SSH2: variants seen among roughly 807,000 people sequenced by gnomAD.
The protein encoded by SSH2 is protein phosphatase Slingshot homolog 2.
In SSH2, 37 loss-of-function variants were observed where a neutral mutation model predicts 135.2. That is an observed-to-expected ratio of 0.27 (90% confidence interval 0.21 to 0.36). The LOEUF is 0.36. SSH2 is among the 10% of genes least tolerant of loss of function. The probability of loss-of-function intolerance (pLI) is 1.00; values close to 1 mark genes in which losing one functional copy is unlikely to be tolerated. For missense variants in SSH2, 1,408 were observed against 1,765.3 expected, an observed-to-expected ratio of 0.80 and a Z score of 3.63; for synonymous variants, 628 against 646.2, an observed-to-expected ratio of 0.97 and a Z score of 0.43.
intron 1 of SSH2, chr17:29,925,264 G>A (rs1445387362): frequency 5.6e-6 from 2 of 358,042 alleles, no homozygotes; most frequent in Non-Finnish European, 9.9e-6. Context: ...ATCAATATAG[G>A]TATCAATTCA....
intron 1 of SSH2, among the ~76,000 whole-genome samples, chr17:29,878,888 G>A (rs949891303): frequency 2.6e-5 from 4 of 152,138 alleles, no homozygotes; most frequent in African/African-American, 9.7e-5. Context: ...CAAGCTCAAA[G>A]CAGCAAATGA....
At chr17:29,667,428 G>A (rs2037325289) in intron 9 of SSH2, among the ~76,000 whole-genome samples, 1 of 152,180 alleles carries the variant, frequency 6.6e-6, no homozygotes, top group African/African-American at 2.4e-5. Context: ...CAGAACAGGA[G>A]GTGAGCAGCG....
intron 12 of SSH2, among the ~76,000 whole-genome samples, chr17:29,651,466 G>T (rs1437680285): frequency 6.6e-6 from 1 of 152,234 alleles, no homozygotes; most frequent in Non-Finnish European, 1.5e-5. Context: ...GATGCTTGCA[G>T]AAGAGAGTTT....
intron 3 of SSH2, chr17:29,761,355 C>T (rs2151255484): frequency 9.3e-7 from 1 of 1,070,810 alleles, no homozygotes. Context: ...GCGCGTGCAC[C>T]CGGCGGCGGA....
intron 2 of SSH2, among the ~76,000 whole-genome samples, chr17:29,836,144 T>C (rs1028791533): frequency 1.3e-5 from 2 of 152,096 alleles, no homozygotes; most frequent in African/African-American, 4.8e-5. Flanking sequence ...TCCAAGTACA[T>C]ATCTGACAGG....
chr17:29,754,493 T>C (rs1336067955), intron 3 of SSH2, among the ~76,000 whole-genome samples: 1 of 152,074 alleles, frequency 6.6e-6, no homozygotes, highest in East Asian at 1.9e-4. Flanking sequence ...CTCATGTGCT[T>C]CTAGGAAGTC....
intron 5 of SSH2, among the ~76,000 whole-genome samples, chr17:29,687,873 C>A (rs2038289638): frequency 6.6e-6 from 1 of 152,118 alleles, no homozygotes; most frequent in African/African-American, 2.4e-5. Flanking sequence ...CCAGTGGCAA[C>A]TGATTGGCTA....
intron 6 of SSH2, among the ~76,000 whole-genome samples, chr17:29,678,713 C>CTTTTTT (rs55889704): frequency 3.1e-4 from 35 of 112,044 alleles, no homozygotes; most frequent in East Asian, 5.2e-4. Context: ...AATACTATTT[C>CTTTTTT]TTTTTTTTTT....
At chr17:29,899,720 A>G (rs1262269518) in intron 1 of SSH2, among the ~76,000 whole-genome samples, 1 of 152,146 alleles carries the variant, frequency 6.6e-6, no homozygotes, top group Non-Finnish European at 1.5e-5. Context: ...TAATTTATAG[A>G]TTTTCAATGC....
At chr17:29,827,538 C>G (rs1156556602) in intron 2 of SSH2, among the ~76,000 whole-genome samples, 1 of 152,146 alleles carries the variant, frequency 6.6e-6, no homozygotes, top group East Asian at 1.9e-4. Context: ...AATTAAGCTC[C>G]TTTTCCTATT....
At chr17:29,699,476 A>T (rs190816063) in intron 4 of SSH2, among the ~76,000 whole-genome samples, 2 of 152,312 alleles carry the variant, frequency 1.3e-5, no homozygotes, top group East Asian at 3.9e-4. Flanking sequence ...TTATACTCGC[A>T]CTGCCTCATC....
intron 15 of SSH2, among the ~76,000 whole-genome samples, chr17:29,635,661 G>T (rs562522858): frequency 1.3e-5 from 2 of 152,164 alleles, no homozygotes; most frequent in East Asian, 3.9e-4. Flanking sequence ...GCCCGCCTTG[G>T]CCTCCCAAAG....
At chr17:29,719,298 GTGA>G (rs2039737477) in intron 3 of SSH2, among the ~76,000 whole-genome samples, 2 of 152,174 alleles carry the variant, frequency 1.3e-5, no homozygotes. Context: ...TGGGAGTTGT[GTGA>G]TGGTCATGGT....
intron 3 of SSH2, among the ~76,000 whole-genome samples, chr17:29,786,865 C>A (rs906808418): frequency 6.6e-6 from 1 of 152,082 alleles, no homozygotes; most frequent in African/African-American, 2.4e-5. Context: ...TCAAGTGGGA[C>A]TGAGCCCATT....
chr17:29,836,799 C>T (rs1191771047), intron 2 of SSH2, among the ~76,000 whole-genome samples: 1 of 152,184 alleles, frequency 6.6e-6, no homozygotes, highest in Non-Finnish European at 1.5e-5. Flanking sequence ...TTAGGAGTGA[C>T]TCAGCAGACA....
chr17:29,655,382 C>T (rs548780621), intron 12 of SSH2, among the ~76,000 whole-genome samples, 179 bp downstream of exon 12: 107 of 152,274 alleles, frequency 7.0e-4, no homozygotes, highest in South Asian at 2.7e-3. Context: ...GGATTATAGG[C>T]GTGAGTCACC....
intron 11 of SSH2, among the ~76,000 whole-genome samples, chr17:29,666,006 T>C (rs1016206880): frequency 1.3e-5 from 2 of 152,196 alleles, no homozygotes; most frequent in African/African-American, 4.8e-5. Flanking sequence ...TATCAGAACT[T>C]AGACACATTT....
At chr17:29,705,426 G>GC (rs2039158329) in intron 3 of SSH2, among the ~76,000 whole-genome samples, 1 of 151,764 alleles carries the variant, frequency 6.6e-6, no homozygotes, top group African/African-American at 2.4e-5. Flanking sequence ...ATTTTACCTT[G>GC]CCCCTAAAGT....
chr17:29,768,058 AT>A (rs2041487952), intron 3 of SSH2, among the ~76,000 whole-genome samples: 2 of 152,138 alleles, frequency 1.3e-5, no homozygotes, highest in East Asian at 3.8e-4. Flanking sequence ...CCTGTGCATT[AT>A]TAGTGTCTCC....
Sources: allele counts gnomAD v4.1 joint callset (sites outside exome capture counted in the v4.1 genomes callset), GRCh38; gene constraint gnomAD v4.1.1; transcripts MANE v1.5; gene names NCBI Gene and HGNC (gene_info 2026-07-23, HGNC 2026-07-21).